Variants in CELF4 observed in about 807,000 individuals in gnomAD.
CELF4 encodes the protein CUGBP Elav-like family member 4, also known as CUG-BP- and ETR-3-like factor 4.
In CELF4, 18 loss-of-function variants were observed where a neutral mutation model predicts 59.9. That is an observed-to-expected ratio of 0.30 (90% CI 0.21 to 0.45). CELF4 has a LOEUF of 0.45. CELF4 is among the 20% of genes least tolerant of loss of function. CELF4 has a pLI of 1.00. For missense variants in CELF4, 456 were observed against 689.0 expected, an observed-to-expected ratio of 0.66 and a Z score of 3.79; for synonymous variants, 261 against 267.1, an observed-to-expected ratio of 0.98 and a Z score of 0.22.
chr18:37,473,400 T>G (rs2099839597), intron 2 of CELF4: 1 of 152,256 alleles, frequency 6.6e-6, no homozygotes, highest in African/African-American at 2.4e-5. Context: ...CACAGCTGTC[T>G]GCTGGCGTGG....
At chr18:37,302,489 G>A in intron 3 of CELF4, among the ~76,000 whole-genome samples, 1 of 152,128 alleles carries the variant, frequency 6.6e-6, no homozygotes, top group East Asian at 1.9e-4. Context: ...GAGGGCACAA[G>A]CTGCACAAAG....
intron 1 of CELF4, among the ~76,000 whole-genome samples, chr18:37,502,306 G>A (rs2099932728): frequency 2.0e-5 from 3 of 151,926 alleles, no homozygotes; most frequent in Non-Finnish European, 2.9e-5. Context: ...TCTCCAAGAC[G>A]AAATTTTTCT....
intron 2 of CELF4, among the ~76,000 whole-genome samples, chr18:37,359,024 G>C (rs2098654932): frequency 6.6e-6 from 1 of 152,202 alleles, no homozygotes; most frequent in African/African-American, 2.4e-5. Flanking sequence ...CTTGAACTCA[G>C]GAGGTGGAGG....
At chr18:37,331,838 C>T (rs575352881) in intron 2 of CELF4, among the ~76,000 whole-genome samples, 10 of 151,604 alleles carry the variant, frequency 6.6e-5, no homozygotes, top group African/African-American at 2.2e-4. Flanking sequence ...GGCAAGTCGC[C>T]GAGGGTGGGA....
At chr18:37,439,512 A>G (rs1294907081) in intron 2 of CELF4, among the ~76,000 whole-genome samples, 3 of 152,050 alleles carry the variant, frequency 2.0e-5, no homozygotes, top group Non-Finnish European at 2.9e-5. Flanking sequence ...TCAGTGTCCA[A>G]ATGACCTTAT....
At chr18:37,305,246 A>G (rs2096319612) in intron 3 of CELF4, 1 of 152,136 alleles carries the variant, frequency 6.6e-6, no homozygotes, top group South Asian at 2.1e-4. Context: ...GTGTCACTGA[A>G]TGAGTTTCAG....
chr18:37,499,593 A>T (rs1047623400), intron 1 of CELF4, among the ~76,000 whole-genome samples: 22 of 152,154 alleles, frequency 1.4e-4, no homozygotes, highest in African/African-American at 5.1e-4. Context: ...TCTCAAGCGG[A>T]CCCTGTGAGC....
At chr18:37,279,172 G>A (rs920005152) in intron 3 of CELF4, among the ~76,000 whole-genome samples, 7 of 152,198 alleles carry the variant, frequency 4.6e-5, no homozygotes, top group African/African-American at 1.7e-4. Flanking sequence ...TCAGCCCTGA[G>A]CCTGTTGCTT....
chr18:37,431,400 TTC>T (rs1453096943), intron 2 of CELF4, among the ~76,000 whole-genome samples: 1 of 147,490 alleles, frequency 6.8e-6, no homozygotes, highest in Non-Finnish European at 1.5e-5. Flanking sequence ...TGGAGTCTTG[TTC>T]TGTCGCCCAG....
intron 2 of CELF4, among the ~76,000 whole-genome samples, chr18:37,426,098 T>A (rs2099610566): frequency 6.6e-6 from 1 of 152,208 alleles, no homozygotes; most frequent in South Asian, 2.1e-4. Context: ...CTATGGGCCT[T>A]TCCCCCCAGT....
At position 37,246,014 on chromosome 18, in the gene CELF4, G is replaced by A. The variant is rs2061953396; in HGVS notation, c.*45-817C>T. On this transcript the variant is annotated intron_variant, in intron 12 of 12. Coordinates refer to ENST00000420428, the MANE Select transcript of CELF4 (RefSeq NM_020180.4). The surrounding 1 kb of genome is among the most constrained non-coding windows in gnomAD (Gnocchi z 5.3). ...ATTTTGTTTTGAATGGTGGCTTTTT[G>A]GTGTTTTGTTTTGCTTTAAAAAAAT... Among the ~76,000 whole-genome samples, 1 of 152,058 alleles carries A rather than the reference G, an allele frequency of 6.6e-6. No homozygotes were observed. The highest frequency in any genetic ancestry group is 1.5e-5 in the Non-Finnish European group (1 of 68,024).
At chr18:37,508,757 C>T (rs2099941017) in intron 1 of CELF4, among the ~76,000 whole-genome samples, 1 of 152,236 alleles carries the variant, frequency 6.6e-6, no homozygotes, top group Non-Finnish European at 1.5e-5. Context: ...CTTAGCTAAC[C>T]ATTCCTTTCT....
At chr18:37,291,007 T>A (rs2095298831) in intron 3 of CELF4, among the ~76,000 whole-genome samples, 1 of 152,230 alleles carries the variant, frequency 6.6e-6, no homozygotes, top group Non-Finnish European at 1.5e-5. Context: ...CCTCCCGGGT[T>A]CAAGCAATTC....
At position 37,453,771 on chromosome 18, in the gene CELF4, G is replaced by C. The variant is rs1287834999; in HGVS notation, c.369+31754C>G. Among the ~76,000 whole-genome samples, 3 of 152,196 alleles carry C rather than the reference G, an allele frequency of 2.0e-5. No homozygotes were observed. The East Asian group carries it at 5.8e-4, about 29-fold the overall frequency. ...GCAGACTGCAGTCACTGGATGGCCA[G>C]CAGCCTGGGAACAGGGGTAGTCTGA... On this transcript the variant is annotated intron_variant, in intron 2 of 12. Transcript: ENST00000420428.
chr18:37,303,943 C>T (rs2096243605), intron 3 of CELF4, among the ~76,000 whole-genome samples: 1 of 152,240 alleles, frequency 6.6e-6, no homozygotes, highest in African/African-American at 2.4e-5. Flanking sequence ...TAGGAGAAGG[C>T]TTCCCTGGGC....
chr18:37,365,747 A>G (rs977351837), intron 2 of CELF4, among the ~76,000 whole-genome samples: 3 of 151,994 alleles, frequency 2.0e-5, no homozygotes, highest in Admixed American at 6.6e-5. Context: ...TGGCCTCCCA[A>G]AGTGCTGGGA....
At chr18:37,493,553 G>A (rs1056133177) in intron 1 of CELF4, among the ~76,000 whole-genome samples, 2 of 152,176 alleles carry the variant, frequency 1.3e-5, no homozygotes, top group Admixed American at 1.3e-4. Context: ...GCAGGGATGC[G>A]GGTGTGGGGG....
intron 1 of CELF4, among the ~76,000 whole-genome samples, chr18:37,560,111 C>T (rs1252862692): frequency 3.9e-5 from 6 of 152,148 alleles, no homozygotes; most frequent in Non-Finnish European, 5.9e-5. Flanking sequence ...ATCTAGAATT[C>T]CCATTAAAAC....
intron 2 of CELF4, among the ~76,000 whole-genome samples, chr18:37,458,387 G>A (rs569008025): frequency 4.6e-4 from 70 of 152,312 alleles, no homozygotes; most frequent in African/African-American, 1.7e-3. Flanking sequence ...TCCCCATGGT[G>A]GGGACTGGCC....
Sources: gnomAD v4.1 joint callset for allele counts (sites outside exome capture counted in the v4.1 genomes callset) on GRCh38, gnomAD v4.1.1 for gene constraint, Gnocchi (gnomAD v3.1) non-coding constraint, MANE v1.5 for transcripts, NCBI Gene and HGNC (gene_info 2026-07-23, HGNC 2026-07-21) for gene names.